VAV2: variants seen among roughly 807,000 people sequenced by gnomAD.
VAV2 encodes guanine nucleotide exchange factor VAV2.
VAV2 carries 67 observed loss-of-function variants against 132.5 expected under a neutral mutation model. The observed-to-expected ratio is 0.51, with a 90% CI of 0.42 to 0.62. The LOEUF is 0.62. Ranked by LOEUF, VAV2 falls within the 20% of genes least tolerant of loss-of-function variation. The probability of loss-of-function intolerance (pLI) is 0.00; values close to 1 mark genes in which losing one functional copy is unlikely to be tolerated. For missense variants in VAV2, 938 were observed against 1,153.6 expected (o/e 0.81, Z 2.71); for synonymous variants, 492 against 443.5 (o/e 1.11, Z -1.37).
intron 3 of VAV2, among the ~76,000 whole-genome samples, chr9:133,841,617 C>T (rs1836727306): frequency 2.0e-5 from 3 of 152,308 alleles, no homozygotes; most frequent in South Asian, 4.1e-4. Flanking sequence ...CCAGAGATAA[C>T]ATCAGGGAGA....
At chr9:133,945,402 G>C (rs503596) in intron 1 of VAV2, among the ~76,000 whole-genome samples, 2 of 152,058 alleles carry the variant, frequency 1.3e-5, no homozygotes, top group African/African-American at 4.8e-5. Context: ...TGACCTGATT[G>C]ATCGGCACAT....
At chr9:133,957,606 G>T (rs141005425) in intron 1 of VAV2, among the ~76,000 whole-genome samples, 2 of 152,098 alleles carry the variant, frequency 1.3e-5, no homozygotes, top group Admixed American at 1.3e-4. Context: ...CAAGAGGGAC[G>T]TCATCCCCGT....
At chr9:133,900,762 T>C (rs1001378200) in intron 2 of VAV2, among the ~76,000 whole-genome samples, 2 of 116,148 alleles carry the variant, frequency 1.7e-5, no homozygotes, top group South Asian at 6.5e-4. Context: ...CTACCTCCTG[T>C]CTTGATTTAT....
At chr9:133,909,190 C>T (rs1274414330) in intron 2 of VAV2, among the ~76,000 whole-genome samples, 1 of 148,196 alleles carries the variant, frequency 6.7e-6, no homozygotes, top group Admixed American at 6.7e-5. Context: ...AACTGTCTCC[C>T]GGTGGAGACA....
At chr9:133,771,412 G>C (rs7035398) in intron 26 of VAV2, among the ~76,000 whole-genome samples, 1 of 152,036 alleles carries the variant, frequency 6.6e-6, no homozygotes, top group African/African-American at 2.4e-5. Context: ...TGGCCATAGC[G>C]GGGAAGCTAA....
intron 2 of VAV2, among the ~76,000 whole-genome samples, chr9:133,896,352 G>A (rs1192490479): frequency 2.0e-5 from 3 of 152,282 alleles, no homozygotes; most frequent in African/African-American, 7.2e-5. Flanking sequence ...TACTCAGGAG[G>A]CTGAGACAGG....
chr9:133,770,648 A>G, intron 26 of VAV2, 147 bp from the exon 27 acceptor site: 2 of 1,242,688 alleles, frequency 1.6e-6, no homozygotes, highest in Non-Finnish European at 2.2e-6. Context: ...CCGCCAGCCC[A>G]TGGTGGGTGG....
Position 133,885,503 on chromosome 9 carries a change from G to T in VAV2, c.322-24071C>A, listed in dbSNP as rs914440400. 9.2e-5 allele frequency among the ~76,000 whole-genome samples: 14 copies of T among 152,344 alleles called. No individual in the cohort carries two copies. The highest frequency in any genetic ancestry group is 3.4e-4 in the African/African-American group (14 of 41,576). On this transcript the variant is annotated intron_variant, in intron 2 of 29. Transcript: ENST00000371850. The surrounding 1 kb of genome is among the most constrained non-coding windows in gnomAD (Gnocchi z 5.0). ...GGGCCTGCCACTGTGGACTCTGCAA[G>T]TGTCGTATTTACTAATAATGGTGCA...
intron 13 of VAV2, 85 bp downstream of exon 13, chr9:133,791,698 C>G: frequency 8.3e-7 from 1 of 1,209,282 alleles, no homozygotes. Flanking sequence ...GCCCATGGAG[C>G]TCACTCAATA....
At chr9:133,828,463 A>G (rs1249188662) in intron 4 of VAV2, among the ~76,000 whole-genome samples, 3 of 63,458 alleles carry the variant, frequency 4.7e-5, no homozygotes, top group East Asian at 7.0e-4. Flanking sequence ...GGGCATCGCC[A>G]GCTACCGCTG....
chr9:133,833,397 G>A lies in VAV2; in HGVS notation c.449+875C>T, dbSNP rs763168854. 3.3e-5 allele frequency among the ~76,000 whole-genome samples: 5 copies of A among 152,190 alleles called. No homozygotes were observed. The highest frequency in any genetic ancestry group is 7.4e-5 in the Non-Finnish European group (5 of 68,026). On this transcript the variant is annotated intron_variant, in intron 4 of 29. Transcript: ENST00000371850. This position sits in a 1 kb window ranked among gnomAD's most constrained non-coding sequence, Gnocchi z 5.6. ...CTGTGCTCTAAAACGAAGGGAGAGA[G>A]AAACACTAAGAGTCTTCCAGAAGAA...
At position 133,883,011 on chromosome 9, in the gene VAV2, G is replaced by A. The variant is rs932333766; in HGVS notation, c.322-21579C>T. Among the ~76,000 whole-genome samples the A allele has an allele frequency of 7.2e-5, 11 of 152,108 alleles. No homozygotes were observed. Among genetic ancestry groups the A allele is most frequent in the African/African-American group, 2.7e-4 (11 of 41,428 alleles). ...CTGGCACCCTGGGTTCGGGATGTGG[G>A]CCCCACACCCACCCCATGCCAGGCT... On this transcript the variant is annotated intron_variant, in intron 2 of 29. Coordinates refer to ENST00000371850, the MANE Select transcript of VAV2 (RefSeq NM_001134398.2). This position sits in a 1 kb window ranked among gnomAD's most constrained non-coding sequence, Gnocchi z 4.2.
intron 1 of VAV2, among the ~76,000 whole-genome samples, chr9:133,988,015 C>A (rs904997467): frequency 2.6e-5 from 4 of 152,190 alleles, no homozygotes; most frequent in Admixed American, 1.3e-4. Context: ...AATAACCCAG[C>A]CCAGATTAAA....
rs1315583213 is a variant in VAV2 at position 133,769,291 on chromosome 9, T to G, written c.2434+126A>C. The G allele has an allele frequency of 3.8e-6, 4 of 1,045,812 alleles. No homozygotes were observed. In the East Asian group the frequency reaches 1.1e-4, roughly 28 times the overall value. 64.8% of individuals were successfully genotyped at this position (1,045,812 alleles called of 1,614,324 possible). ...CAGCCCCTTTCTCCCCTCCACCCAGTGCCAGACTGCGGACAACTGTGGCCA... is the reference window on the plus strand; with the variant it reads ...CAGCCCCTTTCTCCCCTCCACCCAGGGCCAGACTGCGGACAACTGTGGCCA... On this transcript the variant is annotated intron_variant, in intron 28 of 29. Transcript: ENST00000371850. The surrounding 1 kb of genome is among the most constrained non-coding windows in gnomAD (Gnocchi z 8.1).
rs1835077406 is a variant in VAV2 at position 133,804,967 on chromosome 9, A to G, written c.836+1114T>C. On this transcript the variant is annotated intron_variant, in intron 9 of 29. Coordinates refer to ENST00000371850, the MANE Select transcript of VAV2 (RefSeq NM_001134398.2). This position sits in a 1 kb window ranked among gnomAD's most constrained non-coding sequence, Gnocchi z 4.5. ...CCATGGCCCCTGGAGAGCAGGCTCC[A>G]GGACCCTCCTCACAGGGAAGGGGGG... 6.6e-6 allele frequency among the ~76,000 whole-genome samples: 1 copy of G among 152,160 alleles called. No individual in the cohort carries two copies. The highest frequency in any genetic ancestry group is 2.4e-5 in the African/African-American group (1 of 41,446).
rs757164456 is a variant in VAV2, at chr9:133,789,347, G to A, written c.1189-4C>T. ...CAAATTCCTCCAGTTTCACTTGCTG[G>A]GAAGAAGGAGAGGGGCCGTCAGCCG... On this transcript the variant is annotated splice_region_variant and splice_polypyrimidine_tract_variant and intron_variant, in intron 13 of 29. Transcript: ENST00000371850. The A allele has an allele frequency of 1.9e-5, 31 of 1,613,842 alleles. No homozygotes were observed. Among genetic ancestry groups the A allele is most frequent in the Non-Finnish European group, 2.5e-5 (30 of 1,179,950 alleles).
At position 133,826,722 on chromosome 9, in the gene VAV2, C is replaced by T. The variant is rs1050222001; in HGVS notation, c.449+7550G>A. On this transcript the variant is annotated intron_variant, in intron 4 of 29. Coordinates refer to ENST00000371850, the MANE Select transcript of VAV2 (RefSeq NM_001134398.2). The surrounding 1 kb of genome is among the most constrained non-coding windows in gnomAD (Gnocchi z 4.2). The stretch of plus-strand genomic sequence containing the variant: ...TGTCCTTCCTTTGGCCTCTCTTCTG[C>T]CCTGAGTGGGAGCTTTCAAATTTCT... 6.6e-6 allele frequency among the ~76,000 whole-genome samples: 1 copy of T among 152,172 alleles called. No individual in the cohort carries two copies. Among genetic ancestry groups the T allele is most frequent in the Non-Finnish European group, 1.5e-5 (1 of 68,032 alleles).
chr9:133,929,291 G>C (rs1205551366), intron 2 of VAV2, among the ~76,000 whole-genome samples: 2 of 152,130 alleles, frequency 1.3e-5, no homozygotes, highest in South Asian at 2.1e-4. Flanking sequence ...GTGGGTTTGT[G>C]GTGGGGGAAG....
At chr9:133,948,746 C>T (rs139052074) in intron 1 of VAV2, among the ~76,000 whole-genome samples, 1 of 152,352 alleles carries the variant, frequency 6.6e-6, no homozygotes, top group East Asian at 1.9e-4. Context: ...CAAACAGCGC[C>T]CGCTGAGTCC....
Sources: allele counts gnomAD v4.1 joint callset (sites outside exome capture counted in the v4.1 genomes callset), GRCh38; gene constraint gnomAD v4.1.1; non-coding constraint Gnocchi (gnomAD v3.1); transcripts MANE v1.5; gene names NCBI Gene and HGNC (gene_info 2026-07-23, HGNC 2026-07-21).